The following ADGRV1 variants were observed in gnomAD, a reference collection of about 807,000 sequenced individuals.
The protein encoded by ADGRV1 is G-protein coupled receptor 98.
A neutral mutation model predicts 596.2 loss-of-function variants in ADGRV1; 359 were observed. That is an observed-to-expected ratio of 0.60 (90% CI 0.55 to 0.66). The LOEUF is 0.66. ADGRV1 is among the 30% of genes least tolerant of loss of function. The pLI is 0.00. For missense variants in ADGRV1, 7,274 were observed against 7,575.6 expected (o/e 0.96, Z 1.48); for synonymous variants, 2,681 against 2,679.2 (o/e 1.00, Z -0.02).
chr5:90,687,050 T>C, intron 29 of ADGRV1, among the ~76,000 whole-genome samples: 1 of 152,042 alleles, frequency 6.6e-6, no homozygotes, highest in East Asian at 1.9e-4. Flanking sequence ...TTGCCCACTT[T>C]TTGATGGGGT....
intron 83 of ADGRV1, among the ~76,000 whole-genome samples, chr5:90,909,812 G>C (rs1772684705): frequency 6.6e-6 from 1 of 152,148 alleles, no homozygotes; most frequent in Non-Finnish European, 1.5e-5. Context: ...GACTGGCTCA[G>C]TGTGTTTCTA....
intron 1 of ADGRV1, among the ~76,000 whole-genome samples, chr5:90,578,707 T>C (rs1183144678): frequency 6.6e-6 from 1 of 152,204 alleles, no homozygotes; most frequent in East Asian, 1.9e-4. Context: ...CTCTTTGTAC[T>C]TCTGGTAGAA....
At chr5:90,597,025 G>T (rs1269308557) in intron 1 of ADGRV1, among the ~76,000 whole-genome samples, 1 of 152,240 alleles carries the variant, frequency 6.6e-6, no homozygotes, top group Non-Finnish European at 1.5e-5. Context: ...TCTTCACTAT[G>T]TGGACACAGG....
intron 87 of ADGRV1, among the ~76,000 whole-genome samples, chr5:91,145,036 A>G (rs1795413213): frequency 1.3e-5 from 2 of 152,236 alleles, no homozygotes; most frequent in African/African-American, 4.8e-5. Flanking sequence ...ACTTTGGATA[A>G]TGAAAGTCCA....
At chr5:90,842,386 G>A (rs182288886) in intron 78 of ADGRV1, among the ~76,000 whole-genome samples, 1 of 152,162 alleles carries the variant, frequency 6.6e-6, no homozygotes, top group East Asian at 1.9e-4. Flanking sequence ...AATAACCTGG[G>A]AATACTTGGA....
intron 1 of ADGRV1, among the ~76,000 whole-genome samples, chr5:90,608,845 CT>C (rs1762408928): frequency 6.6e-6 from 1 of 151,706 alleles, no homozygotes; most frequent in Admixed American, 6.6e-5. Flanking sequence ...AGGGCAACCA[CT>C]TTTGATTGAT....
At position 91,099,208 on chromosome 5, in the gene ADGRV1, A is replaced by G. The variant is rs77399877; in HGVS notation, c.18311-3011A>G. ...TATAATAATAATTTTGACAATTTGT[A>G]TATATTGTGATGAAGGGCATATATC... On this transcript the variant is annotated intron_variant, in intron 86 of 89. Coordinates refer to ENST00000405460, the MANE Select transcript of ADGRV1 (RefSeq NM_032119.4). 6.6e-5 allele frequency among the ~76,000 whole-genome samples: 10 copies of G among 151,944 alleles called. No homozygotes were observed. In the East Asian group the frequency reaches 1.9e-3, roughly 29 times the overall value.
chr5:90,707,728 C>A (rs1748788212), intron 38 of ADGRV1, among the ~76,000 whole-genome samples: 1 of 152,096 alleles, frequency 6.6e-6, no homozygotes, highest in South Asian at 2.1e-4. Flanking sequence ...TACACAGTCA[C>A]CCTTCTTTTC....
chr5:90,718,440 A>T (rs183005592), intron 43 of ADGRV1: 1 of 152,236 alleles, frequency 6.6e-6, no homozygotes, highest in African/African-American at 2.4e-5. Context: ...TGAAAATAAA[A>T]TAAAATAAAA....
chr5:90,690,717 A>C lies in ADGRV1; in HGVS notation c.6707-80A>C, dbSNP rs191874058. On this transcript the variant is annotated intron_variant, in intron 30 of 89. Transcript: ENST00000405460. The stretch of plus-strand genomic sequence containing the variant: ...GATTGCTTAGGGGGGAAGAGAATCC[A>C]CTATAGGATGGTGCTTGGTTAACTG... The C allele has an allele frequency of 6.6e-6, 9 of 1,354,880 alleles. No homozygotes were observed. In the East Asian group the frequency reaches 2.0e-4, roughly 30 times the overall value. The allele number at this position is 1,354,880 out of a possible 1,614,324, so 83.9% of individuals were successfully genotyped here. A position where few individuals can be genotyped will look rare whatever the true frequency, so the allele number is the denominator to read the frequency against.
chr5:91,152,651 GTTTTGTTTTGT>G (rs931764009), intron 88 of ADGRV1, among the ~76,000 whole-genome samples: 12 of 151,984 alleles, frequency 7.9e-5, no homozygotes, highest in Non-Finnish European at 1.6e-4. Flanking sequence ...GTTTTATTTT[GTTTTGTTTTGT>G]TTTTGTTTTT....
At chr5:91,067,776 T>C (rs566434353) in intron 85 of ADGRV1, among the ~76,000 whole-genome samples, 6 of 152,352 alleles carry the variant, frequency 3.9e-5, no homozygotes, top group Non-Finnish European at 7.3e-5. Flanking sequence ...TCTGAATTTG[T>C]AAAAGCATCT....
intron 83 of ADGRV1, among the ~76,000 whole-genome samples, chr5:90,961,487 CAAAA>C (rs34654014): frequency 0.017 from 767 of 46,316 alleles, 9 homozygotes; most frequent in African/African-American, 0.038. Context: ...GACTCCGTCT[CAAAA>C]AAAAAAAAAA....
intron 82 of ADGRV1, among the ~76,000 whole-genome samples, chr5:90,862,242 G>A (rs1314021310): frequency 6.6e-6 from 1 of 152,064 alleles, no homozygotes; most frequent in Non-Finnish European, 1.5e-5. Flanking sequence ...CTAATTCCTT[G>A]CCTCACATTG....
intron 85 of ADGRV1, among the ~76,000 whole-genome samples, chr5:90,996,411 C>T (rs757116828): frequency 1.4e-4 from 22 of 152,182 alleles, no homozygotes; most frequent in Non-Finnish European, 2.4e-4. Flanking sequence ...GCAACTTCCA[C>T]GTGGTATTAA....
At chr5:90,968,506 A>G (rs1352689847) in intron 84 of ADGRV1, among the ~76,000 whole-genome samples, 2 of 152,208 alleles carry the variant, frequency 1.3e-5, no homozygotes, top group Non-Finnish European at 2.9e-5. Context: ...ATGGCTTAGG[A>G]AAGCTATTTA....
Position 90,745,723 on chromosome 5 carries a change from T to C in ADGRV1, c.10902T>C (p.Ile3634=). 1.2e-6 allele frequency: 2 copies of C among 1,612,300 alleles called. No individual in the cohort carries two copies. The highest frequency in any genetic ancestry group is 1.7e-6 in the Non-Finnish European group (2 of 1,178,840). The change falls in exon 52 of 90, where the codon ATT becomes ATC. Residue 3634 remains isoleucine (I), a synonymous_variant. Coordinates refer to ENST00000405460, the MANE Select transcript of ADGRV1 (RefSeq NM_032119.4). The part of the protein sequence containing the change: ...QLKNPKGGAE[I]GINDSVTITI... ...AAAATCCCAAAGGAGGAGCAGAGAT[T>C]GGCATTAATGATTCTGTAACAATAA...
intron 23 of ADGRV1, 95 bp downstream of exon 23, chr5:90,674,329 G>A: frequency 2.3e-6 from 2 of 863,856 alleles, no homozygotes; most frequent in Non-Finnish European, 3.4e-6. Flanking sequence ...AATGACGGAA[G>A]TAGAATGCCT....
chr5:90,692,778 C>T lies in ADGRV1; in HGVS notation c.7125C>T (p.Val2375=). 6.3e-7 allele frequency: 1 copy of T among 1,593,690 alleles called. No homozygotes were observed. Among genetic ancestry groups the T allele is most frequent in the Non-Finnish European group, 8.5e-7 (1 of 1,169,978 alleles). Residue 2375 remains valine, a synonymous_variant, in exon 32 of 90, where the codon GTC becomes GTT. Transcript: ENST00000405460. ...LERSSCANIT[V]RRSGGHFGRL... ...GAAGTTCCTGTGCTAATATAACTGTCAGGCGAAGGTATATGAGATAGCTAC... is the reference window on the plus strand; with the variant it reads ...GAAGTTCCTGTGCTAATATAACTGTTAGGCGAAGGTATATGAGATAGCTAC...
Sources: allele counts gnomAD v4.1 joint callset (sites outside exome capture counted in the v4.1 genomes callset), GRCh38; gene constraint gnomAD v4.1.1; transcripts MANE v1.5; gene names NCBI Gene and HGNC (gene_info 2026-07-23, HGNC 2026-07-21).